STXBP5L: variants seen among roughly 807,000 people sequenced by gnomAD.
STXBP5L encodes the protein syntaxin-binding protein 5-like.
In STXBP5L, 65 loss-of-function variants were observed where a neutral mutation model predicts 144.5. The observed-to-expected ratio is 0.45, with a 90% CI of 0.37 to 0.55. STXBP5L has a LOEUF of 0.55. STXBP5L is among the 20% of genes least tolerant of loss of function. The pLI is 0.00. For missense variants in STXBP5L, 1,298 were observed against 1,405.5 expected, an observed-to-expected ratio of 0.92 and a Z score of 1.22; for synonymous variants, 505 against 469.6, an observed-to-expected ratio of 1.08 and a Z score of -0.97.
At chr3:121,036,884 A>G (rs1177017603) in intron 3 of STXBP5L, among the ~76,000 whole-genome samples, 1 of 149,006 alleles carries the variant, frequency 6.7e-6, no homozygotes, top group African/African-American at 2.5e-5. Context: ...CATTCCTGGC[A>G]TAAATCCCAC....
chr3:121,320,517 T>G (rs1450757719), intron 20 of STXBP5L, among the ~76,000 whole-genome samples: 2 of 152,152 alleles, frequency 1.3e-5, no homozygotes, highest in Non-Finnish European at 2.9e-5. Context: ...AGATGTGGTA[T>G]AAGTAGACTT....
chr3:121,251,426 A>G (rs2050022823), intron 15 of STXBP5L, among the ~76,000 whole-genome samples: 1 of 152,196 alleles, frequency 6.6e-6, no homozygotes, highest in South Asian at 2.1e-4. Context: ...GGAGAGTCTT[A>G]TTGAGACCTG....
chr3:121,176,137 C>T (rs1486699483), intron 9 of STXBP5L, among the ~76,000 whole-genome samples: 2 of 151,998 alleles, frequency 1.3e-5, no homozygotes, highest in Non-Finnish European at 2.9e-5. Flanking sequence ...AAACTAATCT[C>T]TCTGTAATTG....
chr3:121,062,052 C>A (rs2041308504), intron 5 of STXBP5L, among the ~76,000 whole-genome samples: 1 of 152,128 alleles, frequency 6.6e-6, no homozygotes, highest in Admixed American at 6.5e-5. Flanking sequence ...GTAGTTTCTT[C>A]GTAGAGTCGA....
intron 5 of STXBP5L, among the ~76,000 whole-genome samples, chr3:121,058,121 C>A (rs1230262438): frequency 6.6e-6 from 1 of 152,144 alleles, no homozygotes; most frequent in African/African-American, 2.4e-5. Flanking sequence ...TGCTATCCCT[C>A]CCCTACACCC....
intron 20 of STXBP5L, among the ~76,000 whole-genome samples, chr3:121,360,530 C>T (rs1305884241): frequency 2.6e-5 from 4 of 151,826 alleles, no homozygotes; most frequent in South Asian, 2.1e-4. Context: ...GATATGATTT[C>T]GTTTCCTGCT....
At chr3:120,965,864 A>G (rs1939506359) in intron 3 of STXBP5L, among the ~76,000 whole-genome samples, 1 of 152,208 alleles carries the variant, frequency 6.6e-6, no homozygotes, top group African/African-American at 2.4e-5. Context: ...AATAACCTGA[A>G]GAGTGTTTTC....
At chr3:120,948,042 C>A (rs753941733) in intron 2 of STXBP5L, among the ~76,000 whole-genome samples, 5 of 151,702 alleles carry the variant, frequency 3.3e-5, no homozygotes, top group Non-Finnish European at 7.4e-5. Context: ...TTCCAAAGAG[C>A]CTGCATTATT....
chr3:120,952,749 C>G (rs924475250), intron 2 of STXBP5L, among the ~76,000 whole-genome samples: 1 of 151,924 alleles, frequency 6.6e-6, no homozygotes, highest in African/African-American at 2.4e-5. Flanking sequence ...GTACCCATGC[C>G]CTTATCAATA....
chr3:121,037,729 A>T (rs1207473027), intron 3 of STXBP5L, among the ~76,000 whole-genome samples: 1 of 152,080 alleles, frequency 6.6e-6, no homozygotes, highest in Non-Finnish European at 1.5e-5. Flanking sequence ...ATTTTATAGA[A>T]TTGGCATTAT....
chr3:121,355,006 A>G (rs544503350), intron 20 of STXBP5L, among the ~76,000 whole-genome samples: 2 of 152,290 alleles, frequency 1.3e-5, no homozygotes, highest in East Asian at 3.9e-4. Context: ...AGAATGTTGA[A>G]TATTGGCTCC....
chr3:121,234,739 A>G (rs977498245), intron 12 of STXBP5L, among the ~76,000 whole-genome samples: 2 of 152,038 alleles, frequency 1.3e-5, no homozygotes, highest in Admixed American at 1.3e-4. Context: ...GGGCCATTAA[A>G]TCATCATAAC....
chr3:121,051,558 A>G (rs1019049918), intron 5 of STXBP5L, among the ~76,000 whole-genome samples: 4 of 152,228 alleles, frequency 2.6e-5, no homozygotes, highest in African/African-American at 7.2e-5. Flanking sequence ...GACACAACAT[A>G]CCAGAATCTC....
chr3:120,961,087 G>A (rs1938738801), intron 3 of STXBP5L, among the ~76,000 whole-genome samples: 2 of 151,750 alleles, frequency 1.3e-5, no homozygotes, highest in South Asian at 4.2e-4. Context: ...CAATTTCTTT[G>A]AAGTTTTAAA....
At chr3:121,075,813 G>C (rs4642056) in intron 5 of STXBP5L, among the ~76,000 whole-genome samples, 1 of 152,084 alleles carries the variant, frequency 6.6e-6, no homozygotes, top group African/African-American at 2.4e-5. Context: ...TTGGGTCAGC[G>C]TCTATTGGGA....
intron 5 of STXBP5L, among the ~76,000 whole-genome samples, chr3:121,114,002 A>G (rs530644715): frequency 2.6e-5 from 4 of 152,142 alleles, no homozygotes; most frequent in Non-Finnish European, 4.4e-5. Flanking sequence ...AGTACAAGAC[A>G]ATATCATATT....
intron 5 of STXBP5L, among the ~76,000 whole-genome samples, chr3:121,085,484 G>A (rs181648700): frequency 1.4e-4 from 21 of 152,162 alleles, no homozygotes; most frequent in African/African-American, 5.1e-4. Context: ...TCAGGAGAAG[G>A]TTACAAAATA....
intron 5 of STXBP5L, chr3:121,099,538 G>C (rs1192021127): frequency 6.5e-6 from 1 of 152,778 alleles, no homozygotes; most frequent in Non-Finnish European, 1.5e-5. Flanking sequence ...ACCCTGAACA[G>C]ACCAATATCA....
At chr3:120,988,118 T>C (rs1942481722) in intron 3 of STXBP5L, among the ~76,000 whole-genome samples, 2 of 151,784 alleles carry the variant, frequency 1.3e-5, no homozygotes, top group African/African-American at 4.8e-5. Flanking sequence ...TTTCTCTTTT[T>C]TTTTTCCTGT....
Sources: gnomAD v4.1 joint callset for allele counts (sites outside exome capture counted in the v4.1 genomes callset) on GRCh38, gnomAD v4.1.1 for gene constraint, MANE v1.5 for transcripts, NCBI Gene and HGNC (gene_info 2026-07-23, HGNC 2026-07-21) for gene names.